Variants in CAMTA1 observed in about 807,000 individuals in gnomAD.
CAMTA1 encodes the protein calmodulin-binding transcription activator 1.
A neutral mutation model predicts 170.9 loss-of-function variants in CAMTA1; 27 were observed. The ratio of observed to expected loss-of-function variants is 0.16; its 90% CI spans 0.12 to 0.22. The LOEUF is 0.22. CAMTA1 is among the 10% of genes least tolerant of loss of function. CAMTA1 has a pLI of 1.00. For missense variants in CAMTA1, 1,619 were observed against 2,217.2 expected, an observed-to-expected ratio of 0.73 and a Z score of 5.42; for synonymous variants, 833 against 891.5, an observed-to-expected ratio of 0.93 and a Z score of 1.17.
chr1:7,015,201 G>A (rs759241562), intron 3 of CAMTA1, among the ~76,000 whole-genome samples: 13 of 152,138 alleles, frequency 8.5e-5, no homozygotes, highest in Non-Finnish European at 1.6e-4. Context: ...CTCCCTCCAT[G>A]GTGACTGTGT....
At chr1:7,425,653 C>T (rs772275311) in intron 5 of CAMTA1, among the ~76,000 whole-genome samples, 1 of 152,084 alleles carries the variant, frequency 6.6e-6, no homozygotes, top group Non-Finnish European at 1.5e-5. Context: ...CTCCACCATA[C>T]TGCCCCTTCT....
At chr1:7,508,343 G>A (rs965347849) in intron 6 of CAMTA1, among the ~76,000 whole-genome samples, 2 of 152,208 alleles carry the variant, frequency 1.3e-5, no homozygotes, top group Admixed American at 6.5e-5. Flanking sequence ...GAGGCCCCTG[G>A]AAGCTGGGAC....
intron 6 of CAMTA1, among the ~76,000 whole-genome samples, chr1:7,612,165 C>T (rs1051218225): frequency 6.6e-6 from 1 of 152,178 alleles, no homozygotes; most frequent in African/African-American, 2.4e-5. Context: ...AGCTTCTTGT[C>T]CGGTATCCCA....
At chr1:7,281,070 G>A (rs922722562) in intron 5 of CAMTA1, among the ~76,000 whole-genome samples, 1 of 152,118 alleles carries the variant, frequency 6.6e-6, no homozygotes, top group Admixed American at 6.5e-5. Context: ...ATGAGCACTG[G>A]CAAATATGGA....
chr1:7,112,810 G>T (rs1438138534), intron 4 of CAMTA1, among the ~76,000 whole-genome samples: 6 of 152,232 alleles, frequency 3.9e-5, no homozygotes, highest in East Asian at 1.9e-4. Context: ...TGACATCAAA[G>T]ATCAGGAGGT....
At chr1:7,212,196 T>G (rs1348201765) in intron 4 of CAMTA1, among the ~76,000 whole-genome samples, 1 of 152,242 alleles carries the variant, frequency 6.6e-6, no homozygotes, top group Non-Finnish European at 1.5e-5. Context: ...TCTCTGGTTA[T>G]GTTATTCTTG....
chr1:7,210,942 T>C (rs1340210623), intron 4 of CAMTA1, among the ~76,000 whole-genome samples: 4 of 152,260 alleles, frequency 2.6e-5, no homozygotes, highest in Admixed American at 6.5e-5. Flanking sequence ...ATTTGGCTAC[T>C]GTGTCCTTTT....
intron 4 of CAMTA1, among the ~76,000 whole-genome samples, chr1:7,127,853 G>C (rs1452597236): frequency 6.6e-6 from 1 of 152,218 alleles, no homozygotes; most frequent in East Asian, 1.9e-4. Context: ...CCTTAGGAAG[G>C]CCTCTTGCAA....
intron 3 of CAMTA1, among the ~76,000 whole-genome samples, chr1:7,016,726 A>G (rs1238381558): frequency 2.0e-5 from 3 of 152,120 alleles, no homozygotes; most frequent in East Asian, 3.9e-4. Context: ...TCCCAGCTAC[A>G]TGGGAGGCTG....
At chr1:7,071,076 A>C (rs1458994271) in intron 3 of CAMTA1, among the ~76,000 whole-genome samples, 2 of 152,156 alleles carry the variant, frequency 1.3e-5, no homozygotes, top group Non-Finnish European at 2.9e-5. Flanking sequence ...CCGCAGACTG[A>C]TGGCTTGCTT....
At chr1:6,805,735 T>A (rs760961602) in intron 1 of CAMTA1, among the ~76,000 whole-genome samples, 11 of 152,182 alleles carry the variant, frequency 7.2e-5, no homozygotes, top group Non-Finnish European at 1.6e-4. Flanking sequence ...GGTCTTGAAC[T>A]CCTGGGCTCA....
Position 7,477,186 on chromosome 1 carries a change from A to G in CAMTA1, c.510+9285A>G, listed in dbSNP as rs551173004. On this transcript the variant is annotated intron_variant, in intron 6 of 22. Transcript: ENST00000303635. ...CAGAAGCTGCGGGCCAGGGATAGAA[A>G]CCCAGCCCTGGTCTTAGAAGCCGCC... 2.4e-4 allele frequency among the ~76,000 whole-genome samples: 37 copies of G among 152,204 alleles called. 1 individual carries two copies. Among genetic ancestry groups the G allele is most frequent in the African/African-American group, 8.7e-4 (36 of 41,534 alleles).
At chr1:7,347,316 C>T (rs577962511) in intron 5 of CAMTA1, among the ~76,000 whole-genome samples, 22 of 152,280 alleles carry the variant, frequency 1.4e-4, no homozygotes, top group African/African-American at 4.6e-4. Flanking sequence ...AGCCAAGCTC[C>T]GGAGAGGGAG....
intron 6 of CAMTA1, among the ~76,000 whole-genome samples, chr1:7,493,118 G>A (rs1051888998): frequency 4.8e-5 from 6 of 124,804 alleles, no homozygotes; most frequent in African/African-American, 6.8e-5. Flanking sequence ...ATACACACAC[G>A]CGCACACACA....
rs528526679 is a variant in CAMTA1 at position 7,384,507 on chromosome 1, G to T, written c.439-83323G>T. Among the ~76,000 whole-genome samples, 6 of 152,318 alleles carry T rather than the reference G, an allele frequency of 3.9e-5. No individual in the cohort carries two copies. In the East Asian group the frequency reaches 9.6e-4, roughly 24 times the overall value. On this transcript the variant is annotated intron_variant, in intron 5 of 22. Transcript: ENST00000303635. ...TTGGAGGGCCTTTTGTGAATCCGTG[G>T]CTAATTTTTTGGCGAACAAGTAGAT...
intron 6 of CAMTA1, among the ~76,000 whole-genome samples, chr1:7,508,109 A>G (rs1276568112): frequency 3.3e-5 from 5 of 152,234 alleles, no homozygotes; most frequent in Non-Finnish European, 7.3e-5. Context: ...AGAAGGTAGG[A>G]AGTGGTGCTG....
At chr1:7,370,931 A>ATTTTTTTCT (rs2086402729) in intron 5 of CAMTA1, among the ~76,000 whole-genome samples, 1 of 113,594 alleles carries the variant, frequency 8.8e-6, no homozygotes, top group Admixed American at 9.5e-5. Flanking sequence ...TTTTTTTTTG[A>ATTTTTTTCT]GACGGAGTCT....
In CAMTA1 at chr1:7,064,160, C is replaced by T. The variant is rs527662685; in HGVS notation, c.235-27144C>T. 6.6e-5 allele frequency among the ~76,000 whole-genome samples: 10 copies of T among 151,484 alleles called. No homozygotes were observed. The highest frequency in any genetic ancestry group is 3.9e-4 in the Admixed American group (6 of 15,192). ...CCTCCTCCTTCTCTTCTTCCCTCCT[C>T]CTCCTCTTCCTTCTTCTTCTCCTCC... On this transcript the variant is annotated intron_variant, in intron 3 of 22. Transcript: ENST00000303635. This position sits in a 1 kb window ranked among gnomAD's most constrained non-coding sequence, Gnocchi z 5.4.
chr1:7,357,748 T>C (rs2085237233), intron 5 of CAMTA1, among the ~76,000 whole-genome samples: 1 of 152,242 alleles, frequency 6.6e-6, no homozygotes, highest in African/African-American at 2.4e-5. Context: ...TAGGGTCTTA[T>C]GACTCAGTGC....
Sources: allele counts gnomAD v4.1 joint callset (sites outside exome capture counted in the v4.1 genomes callset), GRCh38; gene constraint gnomAD v4.1.1; non-coding constraint Gnocchi (gnomAD v3.1); transcripts MANE v1.5; gene names NCBI Gene and HGNC (gene_info 2026-07-23, HGNC 2026-07-21).